Variants in PLAGL1 observed in about 807,000 individuals in gnomAD.
PLAGL1 encodes the protein PLAG1 like zinc finger 1.
PLAGL1 carries 1 observed loss-of-function variant against 4.6 expected under a neutral mutation model. The observed-to-expected ratio is 0.22, with a 90% CI of 0.08 to 1.03. The LOEUF (loss-of-function observed/expected upper bound fraction) is 1.03. Ranked by LOEUF, PLAGL1 falls within the 50% of genes least tolerant of loss-of-function variation. PLAGL1 has a pLI of 0.58. For synonymous variants in PLAGL1, 240 were observed against 237.8 expected, an observed-to-expected ratio of 1.01 and a Z score of -0.08; for missense variants, 464 against 570.4, an observed-to-expected ratio of 0.81 and a Z score of 1.90.
rs532161546 is a variant in PLAGL1, at chr6:143,979,684, T to G, written c.-544+5451A>C. Among the ~76,000 whole-genome samples the G allele has an allele frequency of 7.5e-4, 114 of 152,206 alleles. No homozygotes were observed. Among genetic ancestry groups the G allele is most frequent in the African/African-American group, 2.7e-3 (111 of 41,576 alleles). On this transcript the variant is annotated intron_variant, in intron 2 of 7. Transcript: ENST00000674357. This position sits in a 1 kb window ranked among gnomAD's most constrained non-coding sequence, Gnocchi z 4.6. Reference sequence around the variant, plus strand: ...TTATATACCCCATTTGCTATTTTTGTTTAAACCATCTTTTAAAAAATATTA... The same window carrying G: ...TTATATACCCCATTTGCTATTTTTGGTTAAACCATCTTTTAAAAAATATTA...
At position 144,006,615 on chromosome 6, in the gene PLAGL1, T is replaced by C. The variant is rs138312540; in HGVS notation, c.-584+1475A>G. 4 of 152,322 alleles carry C rather than the reference T, an allele frequency of 2.6e-5. No homozygotes were observed. The highest frequency in any genetic ancestry group is 5.9e-5 in the Non-Finnish European group (4 of 68,018). The allele number at this position is 152,322 out of a possible 1,614,324, so 9.4% of individuals were successfully genotyped here. On this transcript the variant is annotated intron_variant, in intron 1 of 7. Coordinates refer to ENST00000674357, the MANE Select transcript of PLAGL1 (RefSeq NM_001317162.2). This position sits in a 1 kb window ranked among gnomAD's most constrained non-coding sequence, Gnocchi z 4.3. ...GTTCAACACTGAAAGGCATTTGTGT[T>C]GAAACACAAAAATACTTCATTGGCC...
rs933136020 is a variant in PLAGL1 at position 144,006,496 on chromosome 6, C to T, written c.-584+1594G>A. The T allele has an allele frequency of 2.0e-5, 3 of 152,098 alleles. No individual in the cohort carries two copies. The highest frequency in any genetic ancestry group is 4.4e-5 in the Non-Finnish European group (3 of 68,022). 9.4% of individuals were successfully genotyped at this position (152,098 alleles called of 1,614,324 possible). Reference sequence around the variant, plus strand: ...TTCTTTACTACTTTTAATGCCTATACATGCATCCCTAAACAACAGCTTTGC... The same window carrying T: ...TTCTTTACTACTTTTAATGCCTATATATGCATCCCTAAACAACAGCTTTGC... On this transcript the variant is annotated intron_variant, in intron 1 of 7. Transcript: ENST00000674357. This position sits in a 1 kb window ranked among gnomAD's most constrained non-coding sequence, Gnocchi z 4.3.
At position 144,063,536 on chromosome 6, in the gene PLAGL1, C is replaced by G. The variant is rs1799597367; in HGVS notation, c.-151+932G>C. Among the ~76,000 whole-genome samples, 1 of 152,214 alleles carries G rather than the reference C, an allele frequency of 6.6e-6. No individual in the cohort carries two copies. Among genetic ancestry groups the G allele is most frequent in the African/African-American group, 2.4e-5 (1 of 41,458 alleles). ...AGGCAGCGACGCACAAAACATAAAC[C>G]CTGTCATATCATTATTTATTCCGTG... is the stretch of plus-strand genomic sequence containing the variant. On this transcript the variant is annotated intron_variant, in intron 1 of 3. Transcript: ENST00000437412. The surrounding 1 kb of genome is among the most constrained non-coding windows in gnomAD (Gnocchi z 5.7).
At position 144,064,213 on chromosome 6, in the gene PLAGL1, G is replaced by C. The variant is rs1393192543; in HGVS notation, c.-151+255C>G. On this transcript the variant is annotated intron_variant, in intron 1 of 3. Coordinates refer to the PLAGL1 transcript ENST00000437412. This position sits in a 1 kb window ranked among gnomAD's most constrained non-coding sequence, Gnocchi z 6.8. ...AGAGCTGCAGACGACGGAGAAAAGG[G>C]AAGCGCGCCCCAAGCCGCACAAAGG... is the stretch of plus-strand genomic sequence containing the variant. Among the ~76,000 whole-genome samples the C allele has an allele frequency of 6.6e-6, 1 of 152,072 alleles. No individual in the cohort carries two copies. The highest frequency in any genetic ancestry group is 2.4e-5 in the African/African-American group (1 of 41,426).
intron 1 of PLAGL1, among the ~76,000 whole-genome samples, chr6:143,986,951 T>C (rs1789311995): frequency 6.6e-6 from 1 of 152,134 alleles, no homozygotes; most frequent in Non-Finnish European, 1.5e-5. Flanking sequence ...AACCAAGTTA[T>C]ACATAGGAAC....
chr6:144,029,299 C>T (rs1465580092), intron 1 of PLAGL1, among the ~76,000 whole-genome samples: 2 of 152,124 alleles, frequency 1.3e-5, no homozygotes, highest in East Asian at 3.8e-4. Flanking sequence ...ATAAATTCAA[C>T]CATGTAACAA....
intron 7 of PLAGL1, among the ~76,000 whole-genome samples, chr6:143,943,528 A>G (rs1340539672): frequency 6.6e-6 from 1 of 151,690 alleles, no homozygotes; most frequent in Non-Finnish European, 1.5e-5. Context: ...CTGCCGTGAG[A>G]TCTCACCACT....
intron 1 of PLAGL1, among the ~76,000 whole-genome samples, chr6:144,033,660 G>T (rs1401286889): frequency 6.6e-6 from 1 of 152,194 alleles, no homozygotes; most frequent in African/African-American, 2.4e-5. Flanking sequence ...GTAAACAGTG[G>T]ACTGGGATAT....
At chr6:144,024,974 G>GATGAGGCATAACTCCCCATT (rs1796230488) in intron 1 of PLAGL1, among the ~76,000 whole-genome samples, 1 of 152,188 alleles carries the variant, frequency 6.6e-6, no homozygotes, top group Non-Finnish European at 1.5e-5. Flanking sequence ...CTCTCCAGGA[G>GATGAGGCATAACTCCCCATT]ATGAGGCATA....
In PLAGL1 at chr6:143,941,796, C is replaced by T; in HGVS notation, c.1020G>A (p.Gln340=). 6.2e-7 allele frequency: 1 copy of T among 1,614,248 alleles called. No homozygotes were observed. The highest frequency in any genetic ancestry group is 8.5e-7 in the Non-Finnish European group (1 of 1,180,040). Residue 340 remains glutamine (Q), a synonymous_variant, in exon 8 of 8, where the codon CAG becomes CAA. Transcript: ENST00000674357. This position sits in a 1 kb window ranked among gnomAD's most constrained non-coding sequence, Gnocchi z 6.0. ...AACCTGGGTTGAGCTTTTGAGGTGA[C>T]TGAGGCTCTTGCAGAGGCAAGTCCT... ...LFEDLPLQEP[Q]SPQKLNPGFD... is the part of the protein sequence containing the mutation.
chr6:143,946,786 A>G (rs918981611), intron 7 of PLAGL1, among the ~76,000 whole-genome samples: 1 of 152,182 alleles, frequency 6.6e-6, no homozygotes, highest in Non-Finnish European at 1.5e-5. Context: ...TTGAAACTTC[A>G]AAGTTTATTT....
Position 143,994,504 on chromosome 6 carries a change from G to A in PLAGL1, c.-583-9330C>T, listed in dbSNP as rs1371131442. Among the ~76,000 whole-genome samples the A allele has an allele frequency of 6.6e-6, 1 of 152,170 alleles. No individual in the cohort carries two copies. Among genetic ancestry groups the A allele is most frequent in the Non-Finnish European group, 1.5e-5 (1 of 68,034 alleles). ...GCAGAAGTGCGGACAGATTTAACAA[G>A]GCAGCCCTACTTCACAGTAGCTCTT... is the stretch of plus-strand genomic sequence containing the variant. On this transcript the variant is annotated intron_variant, in intron 1 of 7. Transcript: ENST00000674357. This position sits in a 1 kb window ranked among gnomAD's most constrained non-coding sequence, Gnocchi z 4.3.
At position 143,955,918 on chromosome 6, in the gene PLAGL1, G is replaced by A. The variant is rs1180827719; in HGVS notation, c.-325+4551C>T. Among the ~76,000 whole-genome samples, 3 of 151,658 alleles carry A rather than the reference G, an allele frequency of 2.0e-5. No homozygotes were observed. Among genetic ancestry groups the A allele is most frequent in the African/African-American group, 7.3e-5 (3 of 40,972 alleles). On this transcript the variant is annotated intron_variant, in intron 6 of 7. Transcript: ENST00000674357. This position sits in a 1 kb window ranked among gnomAD's most constrained non-coding sequence, Gnocchi z 4.9. The stretch of plus-strand genomic sequence containing the variant: ...GTTAGGGGAAAGAGGGAATGGTGGT[G>A]GCAGAGAGAGGTTTTCTTCTGCATC...
Position 143,962,841 on chromosome 6 carries a change from G to A in PLAGL1, c.-399+1946C>T, listed in dbSNP as rs1783655346. Among the ~76,000 whole-genome samples the A allele has an allele frequency of 1.3e-5, 2 of 152,198 alleles. No individual in the cohort carries two copies. Among genetic ancestry groups the A allele is most frequent in the South Asian group, 4.1e-4 (2 of 4,830 alleles). On this transcript the variant is annotated intron_variant, in intron 5 of 7. Transcript: ENST00000674357. This position sits in a 1 kb window ranked among gnomAD's most constrained non-coding sequence, Gnocchi z 5.3. ...AAGAATTGGGCAACCCTCAAACACT[G>A]GGAAGTCTGCCCTGGTTTTCAGTGA...
intron 1 of PLAGL1, among the ~76,000 whole-genome samples, chr6:144,047,659 C>T (rs1798263477): frequency 6.6e-6 from 1 of 152,080 alleles, no homozygotes. Context: ...AAAACCATCC[C>T]CATGATCCAA....
intron 1 of PLAGL1, among the ~76,000 whole-genome samples, chr6:144,003,176 T>C (rs953345283): frequency 6.6e-6 from 1 of 152,166 alleles, no homozygotes. Flanking sequence ...GTGTTGTTTT[T>C]TTCAATAAAT....
intron 1 of PLAGL1, among the ~76,000 whole-genome samples, chr6:144,020,070 A>T (rs2128697213): frequency 6.6e-6 from 1 of 152,268 alleles, no homozygotes; most frequent in African/African-American, 2.4e-5. Context: ...TGATGGGATT[A>T]GTACCCTTAC....
intron 3 of PLAGL1, chr6:143,967,152 G>A (rs1784561706): frequency 1.3e-5 from 2 of 152,092 alleles, no homozygotes; most frequent in Non-Finnish European, 2.9e-5. Context: ...GTAACTTTAG[G>A]TAAGTTGCAT....
intron 1 of PLAGL1, among the ~76,000 whole-genome samples, chr6:144,020,274 CTTGTTTGTTTGT>C (rs111353071): frequency 2.0e-4 from 31 of 151,694 alleles, no homozygotes; most frequent in Non-Finnish European, 1.8e-4. Flanking sequence ...TGGACACTTC[CTTGTTTGTTTGT>C]TTGTTTGTTT....
Sources: allele counts gnomAD v4.1 joint callset (sites outside exome capture counted in the v4.1 genomes callset), GRCh38; gene constraint gnomAD v4.1.1; non-coding constraint Gnocchi (gnomAD v3.1); transcripts MANE v1.5; gene names NCBI Gene and HGNC (gene_info 2026-07-23, HGNC 2026-07-21).